The following ZBTB25 variants were observed in gnomAD, a reference collection of about 807,000 sequenced individuals.
ZBTB25 encodes zinc finger and BTB domain containing 25, also known as zinc finger and BTB domain-containing protein 25.
In ZBTB25, 20 loss-of-function variants were observed where a neutral mutation model predicts 34.2. That is an observed-to-expected ratio of 0.58 (90% CI 0.41 to 0.85). ZBTB25 has a LOEUF of 0.85. ZBTB25 is among the 40% of genes least tolerant of loss of function. ZBTB25 has a pLI of 0.00. For missense variants in ZBTB25, 437 were observed against 521.8 expected, an observed-to-expected ratio of 0.84 and a Z score of 1.58; for synonymous variants, 175 against 186.4, an observed-to-expected ratio of 0.94 and a Z score of 0.50.
In ZBTB25 at chr14:64,466,526, T is replaced by C. The variant is rs144795147; in HGVS notation, c.174-16888A>G. Reference sequence around the variant, plus strand: ...AGAGGTGAGAAGATTTAAACAGTTATCAGCTTAGGTTCTAGTGCTCACTGA... The same window carrying C: ...AGAGGTGAGAAGATTTAAACAGTTACCAGCTTAGGTTCTAGTGCTCACTGA... On this transcript the variant is annotated intron_variant, in intron 2 of 2. Coordinates refer to the ZBTB25 transcript ENST00000555220. Among the ~76,000 whole-genome samples the C allele has an allele frequency of 5.6e-4, 86 of 152,356 alleles. 2 individuals are homozygous for C. In the East Asian group the frequency reaches 0.016, roughly 28 times the overall value.
At chr14:64,469,313 A>G (rs1246298884) in intron 2 of ZBTB25, 1 of 1,613,450 alleles carries the variant, frequency 6.2e-7, no homozygotes, top group East Asian at 2.2e-5. Context: ...AACTAAGCCA[A>G]AAGATACTGA....
chr14:64,475,995 T>C (rs1422155520), downstream of ZBTB25, among the ~76,000 whole-genome samples: 1 of 152,220 alleles, frequency 6.6e-6, no homozygotes, highest in Admixed American at 6.5e-5. Flanking sequence ...CTTGTGGTCT[T>C]AGGACCCAGG....
rs137869029 is a variant in ZBTB25 at position 64,487,748 on chromosome 14, G to A, written c.483C>T (p.Val161=). The A allele has an allele frequency of 1.9e-5, 30 of 1,614,006 alleles. No homozygotes were observed. The African/African-American group carries it at 3.5e-4, about 19-fold the overall frequency. The change falls in exon 3 of 3, where the codon GTC becomes GTT. Residue 161 remains valine, a synonymous_variant. Coordinates refer to ENST00000608382, the MANE Select transcript of ZBTB25 (RefSeq NM_006977.5). ...ACTGCAACTGGGGGTGGTCACCCTGGACAGCAGCTCTGTTTCCACTGTTAC... is the reference window on the plus strand; with the variant it reads ...ACTGCAACTGGGGGTGGTCACCCTGAACAGCAGCTCTGTTTCCACTGTTAC... ...PSSNSGNRAA[V]QGDHPQLQLS...
chr14:64,476,394 C>T (rs191141762), downstream of ZBTB25, among the ~76,000 whole-genome samples: 1,087 of 152,296 alleles, frequency 7.1e-3, 11 homozygotes, highest in Non-Finnish European at 8.1e-3. Context: ...GGAGTGATCT[C>T]GGCTCACTGC....
chr14:64,487,835 C>G lies in ZBTB25; in HGVS notation c.396G>C (p.Gln132His), dbSNP rs200467294. Residue 132 changes from glutamine to histidine, a missense_variant, in exon 3 of 3, where the codon CAG becomes CAC. Physicochemically the swap from Gln to His is conservative, Grantham distance 24. Coordinates refer to ENST00000608382, the MANE Select transcript of ZBTB25 (RefSeq NM_006977.5). ...TVQSSNLYGI[Q>H]ISTTQKTVVK... ...CAACTGTTTTTTGGGTTGTTGAGATCTGAATGCCATATAAATTTGAGGACT... is the reference window on the plus strand; with the variant it reads ...CAACTGTTTTTTGGGTTGTTGAGATGTGAATGCCATATAAATTTGAGGACT... 1.2e-6 allele frequency: 2 copies of G among 1,614,154 alleles called. No individual in the cohort carries two copies. Among genetic ancestry groups the G allele is most frequent in the African/African-American group, 1.3e-5 (1 of 75,040 alleles).
intron 2 of ZBTB25, chr14:64,470,609 AAG>A (rs1491285102): frequency 6.1e-6 from 1 of 165,232 alleles, no homozygotes; most frequent in Non-Finnish European, 1.5e-5. Context: ...AAAAAAAAAA[AAG>A]AGAACCATTC....
At chr14:64,477,816 A>G (rs1441641459), downstream of ZBTB25, among the ~76,000 whole-genome samples, 1 of 152,230 alleles carries the variant, frequency 6.6e-6, no homozygotes, top group Non-Finnish European at 1.5e-5. Flanking sequence ...ACAAGATCCC[A>G]TTCCTCAAAG....
chr14:64,494,604 G>T (rs1409146291), intron 1 of ZBTB25, among the ~76,000 whole-genome samples: 1 of 152,068 alleles, frequency 6.6e-6, no homozygotes, highest in Non-Finnish European at 1.5e-5. Context: ...ACTCCAGCCT[G>T]GGCAACAGAG....
At chr14:64,471,055 AT>A (rs2141005590) in intron 2 of ZBTB25, 1 of 167,180 alleles carries the variant, frequency 6.0e-6, no homozygotes, top group Admixed American at 6.5e-5. Flanking sequence ...GCACATTATA[AT>A]TTAAATGTCA....
At chr14:64,469,128 A>G (rs1478459114) in intron 2 of ZBTB25, 1 of 1,614,194 alleles carries the variant, frequency 6.2e-7, no homozygotes, top group Non-Finnish European at 8.5e-7. Context: ...GTTCAACCCC[A>G]GCAAGCAAGC....
intron 2 of ZBTB25, among the ~76,000 whole-genome samples, chr14:64,458,974 A>G (rs1355851994): frequency 6.6e-6 from 1 of 152,182 alleles, no homozygotes; most frequent in Non-Finnish European, 1.5e-5. Flanking sequence ...AAATCCTAAC[A>G]TCTTTCTCCA....
chr14:64,487,334 G>A lies in ZBTB25; in HGVS notation c.897C>T (p.Ser299=), dbSNP rs765977887. Residue 299 remains serine (S), a synonymous_variant, in exon 3 of 3, where the codon TCC becomes TCT. Coordinates refer to ENST00000608382, the MANE Select transcript of ZBTB25 (RefSeq NM_006977.5). ...SEALECRRLS[S]FIVKENEQQP... Reference sequence around the variant, plus strand: ...GCTGTTCATTCTCCTTAACAATGAAGGAGCTGAGCCTGCGGCATTCAAGGG... The same window carrying A: ...GCTGTTCATTCTCCTTAACAATGAAAGAGCTGAGCCTGCGGCATTCAAGGG... 1.9e-6 allele frequency: 3 copies of A among 1,613,934 alleles called. No individual in the cohort carries two copies. Among genetic ancestry groups the A allele is most frequent in the Non-Finnish European group, 1.7e-6 (2 of 1,180,002 alleles).
At chr14:64,465,141 C>T (rs1261676299) in intron 2 of ZBTB25, among the ~76,000 whole-genome samples, 1 of 152,182 alleles carries the variant, frequency 6.6e-6, no homozygotes, top group Non-Finnish European at 1.5e-5. Context: ...ATGTGTAATG[C>T]GACTGTCTAT....
intron 1 of ZBTB25, among the ~76,000 whole-genome samples, chr14:64,496,066 C>G (rs1048591228): frequency 1.3e-5 from 2 of 151,888 alleles, no homozygotes; most frequent in African/African-American, 4.8e-5. Flanking sequence ...TCTTTTTAAA[C>G]GAAAGCAATT....
chr14:64,464,480 G>A (rs543402864), intron 2 of ZBTB25, among the ~76,000 whole-genome samples: 1 of 152,190 alleles, frequency 6.6e-6, no homozygotes, highest in South Asian at 2.1e-4. Context: ...AAGCCTCTGT[G>A]GAAACTACAG....
chr14:64,468,191 G>C (rs1259358878), intron 2 of ZBTB25: 1 of 375,220 alleles, frequency 2.7e-6, no homozygotes, highest in Non-Finnish European at 4.7e-6. Flanking sequence ...AGAAATTAAA[G>C]AGAGAAATTA....
rs2078839614 is a variant in ZBTB25 at position 64,484,657 on chromosome 14, G to A, written c.*2266C>T. The A allele has an allele frequency of 6.6e-6, 1 of 151,876 alleles. No individual in the cohort carries two copies. The allele number at this position is 151,876 out of a possible 1,614,324, so 9.4% of individuals were successfully genotyped here. A position where few individuals can be genotyped will look rare whatever the true frequency, so the allele number is the denominator to read the frequency against. ...AGATCACGCCATTGCACTCCAGCCT[G>A]GGCAACAAGGGTGAAACTCCATCTT... On this transcript the variant is annotated 3_prime_UTR_variant, in exon 3 of 3. Coordinates refer to ENST00000608382, the MANE Select transcript of ZBTB25 (RefSeq NM_006977.5).
chr14:64,452,035 C>T (rs2078381416), intron 2 of ZBTB25, among the ~76,000 whole-genome samples: 1 of 152,214 alleles, frequency 6.6e-6, no homozygotes, highest in Admixed American at 6.5e-5. Flanking sequence ...TGTGGTCACA[C>T]CTGTAATCCC....
chr14:64,469,834 T>G lies in ZBTB25; in HGVS notation c.174-20196A>C, dbSNP rs576277512. The G allele has an allele frequency of 1.7e-4, 100 of 576,654 alleles. 2 individuals are homozygous for G. In the South Asian group the frequency reaches 2.4e-3, roughly 14 times the overall value. 35.7% of individuals were successfully genotyped at this position (576,654 alleles called of 1,614,324 possible). A position where few individuals can be genotyped will look rare whatever the true frequency, so the allele number is the denominator to read the frequency against. ...CAGAAGTGCTAAAGATTAAGTCAAG[T>G]TTATAAAACTCTACCACTGAAATGC... is the stretch of plus-strand genomic sequence containing the variant. On this transcript the variant is annotated intron_variant, in intron 2 of 2. Coordinates refer to the ZBTB25 transcript ENST00000555220.
Sources: allele counts gnomAD v4.1 joint callset (sites outside exome capture counted in the v4.1 genomes callset), GRCh38; gene constraint gnomAD v4.1.1; transcripts MANE v1.5; gene names NCBI Gene and HGNC (gene_info 2026-07-23, HGNC 2026-07-21).